TPRG1: variants seen among roughly 807,000 people sequenced by gnomAD.
TPRG1 encodes the protein tumor protein p63-regulated gene 1 protein.
TPRG1 carries 29 observed loss-of-function variants against 29.3 expected under a neutral mutation model. The ratio of observed to expected loss-of-function variants is 0.99; its 90% confidence interval spans 0.74 to 1.35. The LOEUF is 1.35. Ranked by LOEUF, TPRG1 falls within the 40% of genes most tolerant of loss-of-function variation. TPRG1 has a pLI of 0.00. For missense variants in TPRG1, 327 were observed against 335.0 expected, an observed-to-expected ratio of 0.98 and a Z score of 0.19; for synonymous variants, 130 against 116.8, an observed-to-expected ratio of 1.11 and a Z score of -0.73.
At chr3:189,198,435 CTG>C (rs1732919163) in intron 1 of TPRG1, among the ~76,000 whole-genome samples, 4 of 152,220 alleles carry the variant, frequency 2.6e-5, no homozygotes, top group Non-Finnish European at 4.4e-5. Flanking sequence ...AGATTAAAGA[CTG>C]TGGTATGAGT....
At chr3:189,179,540 A>G (rs533879765) in intron 1 of TPRG1, among the ~76,000 whole-genome samples, 1 of 152,136 alleles carries the variant, frequency 6.6e-6, no homozygotes, top group African/African-American at 2.4e-5. Flanking sequence ...GAGTGCCCCT[A>G]TTGCACACTA....
rs553066285 is a variant in TPRG1, at chr3:189,122,576, C to G, written c.-743-4481C>G. Among the ~76,000 whole-genome samples, 153 of 152,270 alleles carry G rather than the reference C, an allele frequency of 1.0e-3. 1 individual carries two copies. In the South Asian group the frequency reaches 0.015, roughly 14 times the overall value. ...AGTCTTTGTTGACTGGTTAAAAGAT[C>G]TTAGTTAGTTTGAGCTAGAAGAAAA... is the stretch of plus-strand genomic sequence containing the variant. On this transcript the variant is annotated intron_variant, in intron 1 of 6. Coordinates refer to the TPRG1 transcript ENST00000412373.
intron 1 of TPRG1, among the ~76,000 whole-genome samples, chr3:189,179,398 C>T (rs1009821298): frequency 1.3e-5 from 2 of 152,184 alleles, no homozygotes; most frequent in Non-Finnish European, 2.9e-5. Flanking sequence ...CCTAGAGTGA[C>T]ATATAAACCT....
chr3:189,233,159 A>AGTGTGTGTGTGTGT (rs1234383998), intron 3 of TPRG1, among the ~76,000 whole-genome samples: 3 of 120,274 alleles, frequency 2.5e-5, no homozygotes, highest in Admixed American at 8.6e-5. Context: ...ACCTCTACTG[A>AGTGTGTGTGTGTGT]GTGTGTATGT....
rs1027663187 is a variant in TPRG1 at position 189,244,430 on chromosome 3, G to GA, written c.479+5529dup. 9.9e-5 allele frequency among the ~76,000 whole-genome samples: 15 copies of GA among 151,298 alleles called. 1 individual carries two copies. The highest frequency in any genetic ancestry group is 4.2e-4 in the South Asian group (2 of 4,790). On this transcript the variant is annotated intron_variant, in intron 4 of 5. Transcript: ENST00000345063. ...ATGAGACTCCATCTCAAAAAAAGAA[G>GA]AAAAAAAAGAGGTTTAATTGGTTCA...
At chr3:189,248,680 C>T (rs1579027246) in intron 4 of TPRG1, among the ~76,000 whole-genome samples, 2 of 150,586 alleles carry the variant, frequency 1.3e-5, no homozygotes, top group Non-Finnish European at 3.0e-5. Context: ...TGTACATTTC[C>T]TCTTTGACCT....
chr3:189,296,237 G>A (rs1719896704), intron 4 of TPRG1, among the ~76,000 whole-genome samples: 1 of 152,204 alleles, frequency 6.6e-6, no homozygotes, highest in Non-Finnish European at 1.5e-5. Flanking sequence ...ATTTAACTGT[G>A]AGCTGTATTT....
At chr3:189,237,868 A>T (rs1274899229) in intron 3 of TPRG1, among the ~76,000 whole-genome samples, 1 of 152,222 alleles carries the variant, frequency 6.6e-6, no homozygotes, top group Non-Finnish European at 1.5e-5. Flanking sequence ...AAAACAAAAC[A>T]TGTACCAAAA....
intron 4 of TPRG1, among the ~76,000 whole-genome samples, chr3:189,300,897 G>A (rs1401433812): frequency 6.6e-6 from 1 of 152,172 alleles, no homozygotes; most frequent in Non-Finnish European, 1.5e-5. Flanking sequence ...GAAATATCTG[G>A]TTGTAAATCC....
intron 3 of TPRG1, among the ~76,000 whole-genome samples, chr3:189,224,940 T>C (rs1737491928): frequency 6.7e-6 from 1 of 150,176 alleles, no homozygotes; most frequent in Non-Finnish European, 1.5e-5. Context: ...TCTTTTTTTT[T>C]TTTTTTTTTG....
chr3:189,118,031 A>G (rs935175983), intron 1 of TPRG1, among the ~76,000 whole-genome samples: 3 of 152,196 alleles, frequency 2.0e-5, no homozygotes, highest in African/African-American at 7.2e-5. Flanking sequence ...AAGATGTGGG[A>G]AAGTTTGAGA....
intron 3 of TPRG1, among the ~76,000 whole-genome samples, chr3:189,224,341 C>T (rs1311186429): frequency 6.6e-6 from 1 of 152,130 alleles, no homozygotes; most frequent in Non-Finnish European, 1.5e-5. Context: ...ACTAGCCAGG[C>T]GTGGTGACGT....
chr3:189,125,813 TTGTGTGTGTGTGTGTGTGTGTGTGTGTG>T lies in TPRG1; in HGVS notation c.-743-1212_-743-1185del, dbSNP rs751689409. Among the ~76,000 whole-genome samples, 8 of 124,144 alleles carry T rather than the reference TTGTGTGTGTGTGTGTGTGTGTGTGTGTG, an allele frequency of 6.4e-5. No homozygotes were observed. The East Asian group carries it at 7.2e-4, about 11-fold the overall frequency. The allele number at this position is 124,144 out of a possible 152,430, so 81.4% of individuals were successfully genotyped here. On this transcript the variant is annotated intron_variant, in intron 1 of 6. Transcript: ENST00000412373. ...TCAGAAGATGGAGCTGCAGGGTGTTTTGTGTGTGTGTGTGTGTGTGTGTGTGTGTGTGTGTGTGTGTGTGTGTGTGTGT... is the reference window on the plus strand; with the variant it reads ...TCAGAAGATGGAGCTGCAGGGTGTTTTGTGTGTGTGTGTGTGTGTGTGTGT...
intron 3 of TPRG1, chr3:189,219,877 C>A: frequency 1.8e-6 from 1 of 544,304 alleles, no homozygotes; most frequent in Non-Finnish European, 2.3e-6. Flanking sequence ...TCATTATTCC[C>A]CCAACTCCAC....
At chr3:189,114,264 GTTGC>G (rs1474964663) in intron 1 of TPRG1, among the ~76,000 whole-genome samples, 16 of 132,926 alleles carry the variant, frequency 1.2e-4, no homozygotes, top group Non-Finnish European at 2.4e-4. Flanking sequence ...GCACCTAGAT[GTTGC>G]TTGTTTGTTT....
chr3:189,296,409 T>C (rs1576994431), intron 4 of TPRG1, among the ~76,000 whole-genome samples: 2 of 152,346 alleles, frequency 1.3e-5, no homozygotes, highest in East Asian at 3.9e-4. Context: ...CTAATGTTGC[T>C]GTTGGCTAAA....
chr3:189,026,379 T>G (rs927996909), intron 4 of TPRG1, among the ~76,000 whole-genome samples: 3 of 152,182 alleles, frequency 2.0e-5, no homozygotes, highest in Non-Finnish European at 2.9e-5. Context: ...ACCTTAGACC[T>G]CTTTAAAGAT....
chr3:189,182,035 G>T (rs889586455), intron 1 of TPRG1, among the ~76,000 whole-genome samples: 4 of 152,126 alleles, frequency 2.6e-5, no homozygotes, highest in African/African-American at 9.7e-5. Flanking sequence ...CAGATCTCCC[G>T]AGACTTATTC....
chr3:189,262,227 AGTATAAGTAT>A (rs1713208256), intron 4 of TPRG1, among the ~76,000 whole-genome samples: 1 of 151,206 alleles, frequency 6.6e-6, no homozygotes, highest in Admixed American at 6.6e-5. Flanking sequence ...TATAAGTATA[AGTATAAGTAT>A]AAGTATAAGT....
Sources: gnomAD v4.1 joint callset for allele counts (sites outside exome capture counted in the v4.1 genomes callset) on GRCh38, gnomAD v4.1.1 for gene constraint, MANE v1.5 for transcripts, NCBI Gene and HGNC (gene_info 2026-07-23, HGNC 2026-07-21) for gene names.